DTNB: variants seen among roughly 807,000 people sequenced by gnomAD.
DTNB encodes the protein DTN-B.
DTNB carries 63 observed loss-of-function variants against 90.7 expected under a neutral mutation model. That is an observed-to-expected ratio of 0.69 (90% confidence interval 0.57 to 0.86). The LOEUF (loss-of-function observed/expected upper bound fraction) is 0.86. Ranked by LOEUF, DTNB falls within the 40% of genes least tolerant of loss-of-function variation. The pLI, the probability that DTNB is intolerant of heterozygous loss-of-function variation, is 0.00. For missense variants in DTNB, 744 were observed against 807.1 expected (o/e 0.92, Z 0.95); for synonymous variants, 277 against 286.7 (o/e 0.97, Z 0.34).
chr2:25,535,532 G>A (rs1459048185), intron 8 of DTNB, among the ~76,000 whole-genome samples: 26 of 147,838 alleles, frequency 1.8e-4, no homozygotes, highest in Non-Finnish European at 8.9e-5. Flanking sequence ...TCCCAGACGG[G>A]GCGGCCGGGC....
In DTNB at chr2:25,568,384, T is replaced by G. The variant is rs111690020; in HGVS notation, c.876+8454A>C. On this transcript the variant is annotated intron_variant, in intron 8 of 20. Transcript: ENST00000406818. Reference sequence around the variant, plus strand: ...AGGGAGGGAAGGAAGTACGCAGGCATGGAGGGAGTTTGGTTTAAAGTGAAT... The same window carrying G: ...AGGGAGGGAAGGAAGTACGCAGGCAGGGAGGGAGTTTGGTTTAAAGTGAAT... Among the ~76,000 whole-genome samples, 1,509 of 151,994 alleles carry G rather than the reference T, an allele frequency of 9.9e-3. 31 individuals are homozygous for G. Among genetic ancestry groups the G allele is most frequent in the African/African-American group, 0.034 (1,406 of 41,438 alleles).
intron 4 of DTNB, among the ~76,000 whole-genome samples, chr2:25,626,510 T>C (rs1177038230): frequency 6.6e-6 from 1 of 152,172 alleles, no homozygotes; most frequent in Non-Finnish European, 1.5e-5. Context: ...ACACCTGTAA[T>C]GCCAGCTACT....
intron 16 of DTNB, among the ~76,000 whole-genome samples, chr2:25,405,790 C>G (rs532994783): frequency 6.6e-6 from 1 of 152,146 alleles, no homozygotes; most frequent in African/African-American, 2.4e-5. Context: ...CAAGAGGAGC[C>G]GGTGAAGGTT....
At chr2:25,500,706 C>T (rs1024903310) in intron 9 of DTNB, among the ~76,000 whole-genome samples, 2 of 151,782 alleles carry the variant, frequency 1.3e-5, no homozygotes, top group Non-Finnish European at 2.9e-5. Flanking sequence ...TGAGCACATG[C>T]GGAGAGCTCA....
chr2:25,500,169 G>C (rs72851462), intron 9 of DTNB, among the ~76,000 whole-genome samples: 22,005 of 152,144 alleles, frequency 0.14, 2,019 homozygotes, highest in East Asian at 0.51. Context: ...CCAAAGTGCT[G>C]GTACTACAGG....
chr2:25,616,323 A>T (rs555112865), intron 4 of DTNB, among the ~76,000 whole-genome samples: 1 of 150,420 alleles, frequency 6.6e-6, no homozygotes, highest in Non-Finnish European at 1.5e-5. Context: ...TCTATATATT[A>T]TAATAATTAG....
intron 14 of DTNB, among the ~76,000 whole-genome samples, chr2:25,428,544 C>T (rs188538457): frequency 1.0e-3 from 154 of 152,084 alleles, no homozygotes; most frequent in African/African-American, 3.5e-3. Context: ...AGTGATTCTC[C>T]TGCCTCAGCC....
At chr2:25,543,019 A>G (rs576150675) in intron 8 of DTNB, among the ~76,000 whole-genome samples, 4 of 152,122 alleles carry the variant, frequency 2.6e-5, no homozygotes, top group Non-Finnish European at 5.9e-5. Flanking sequence ...TAATTTATAT[A>G]TCTGTAGAAT....
At chr2:25,543,765 T>G (rs1406111711) in intron 8 of DTNB, among the ~76,000 whole-genome samples, 1 of 152,240 alleles carries the variant, frequency 6.6e-6, no homozygotes, top group African/African-American at 2.4e-5. Context: ...ATTTTCTTAT[T>G]TTATTTTCCT....
intron 9 of DTNB, among the ~76,000 whole-genome samples, chr2:25,510,131 AT>A (rs1202349890): frequency 6.6e-6 from 1 of 151,688 alleles, no homozygotes; most frequent in African/African-American, 2.4e-5. Context: ...CTTACCAAGA[AT>A]TTTTTTTATT....
intron 1 of DTNB, among the ~76,000 whole-genome samples, chr2:25,655,692 G>A (rs759659518): frequency 2.6e-5 from 4 of 152,068 alleles, no homozygotes; most frequent in Admixed American, 6.6e-5. Flanking sequence ...TGAAAATCCC[G>A]GAACTGCATG....
At chr2:25,621,782 T>C (rs942405971) in intron 4 of DTNB, among the ~76,000 whole-genome samples, 2 of 151,928 alleles carry the variant, frequency 1.3e-5, no homozygotes, top group African/African-American at 4.8e-5. Flanking sequence ...AAATGGTTGT[T>C]AGCCACATTT....
intron 9 of DTNB, among the ~76,000 whole-genome samples, chr2:25,492,883 T>G (rs2067873085): frequency 6.6e-6 from 1 of 152,026 alleles, no homozygotes; most frequent in Non-Finnish European, 1.5e-5. Flanking sequence ...TAAAGTCAGC[T>G]GAAGCCTGGA....
chr2:25,410,753 G>A (rs570589377), intron 16 of DTNB, among the ~76,000 whole-genome samples: 2 of 152,104 alleles, frequency 1.3e-5, no homozygotes, highest in Non-Finnish European at 2.9e-5. Context: ...TCACTCATTA[G>A]CTTCATGTTC....
chr2:25,560,903 C>T (rs1297696365), intron 8 of DTNB, among the ~76,000 whole-genome samples: 1 of 152,146 alleles, frequency 6.6e-6, no homozygotes, highest in Non-Finnish European at 1.5e-5. Flanking sequence ...CCACAGGAAG[C>T]TAATATATCT....
At chr2:25,457,614 C>T (rs1374746838) in intron 10 of DTNB, among the ~76,000 whole-genome samples, 2 of 152,150 alleles carry the variant, frequency 1.3e-5, no homozygotes, top group African/African-American at 2.4e-5. Flanking sequence ...GCAGCGCTTG[C>T]AGATACAGCA....
intron 8 of DTNB, among the ~76,000 whole-genome samples, chr2:25,554,096 C>T (rs1000669935): frequency 2.0e-5 from 3 of 152,132 alleles, no homozygotes; most frequent in Non-Finnish European, 4.4e-5. Flanking sequence ...ATAACTGCTA[C>T]ATGAAATGCT....
intron 11 of DTNB, among the ~76,000 whole-genome samples, chr2:25,455,008 A>G: frequency 6.6e-6 from 1 of 152,332 alleles, no homozygotes; most frequent in South Asian, 2.1e-4. Flanking sequence ...ACAAAGTGGG[A>G]TATCTGTGGG....
intron 5 of DTNB, among the ~76,000 whole-genome samples, chr2:25,599,427 C>T (rs1437721545): frequency 6.6e-6 from 1 of 151,752 alleles, no homozygotes; most frequent in African/African-American, 2.4e-5. Context: ...CTGCAAGCTC[C>T]ACCTCCTGGG....
Sources: allele counts gnomAD v4.1 joint callset (sites outside exome capture counted in the v4.1 genomes callset), GRCh38; gene constraint gnomAD v4.1.1; transcripts MANE v1.5; gene names NCBI Gene and HGNC (gene_info 2026-07-23, HGNC 2026-07-21).